KDM3A: variants seen among roughly 807,000 people sequenced by gnomAD.
KDM3A encodes lysine demethylase 3A, also known as lysine-specific demethylase 3A.
A neutral mutation model predicts 158.0 loss-of-function variants in KDM3A; 60 were observed. That is an observed-to-expected ratio of 0.38 (90% CI 0.31 to 0.47). The LOEUF (loss-of-function observed/expected upper bound fraction) is 0.47. Ranked by LOEUF, KDM3A falls within the 20% of genes least tolerant of loss-of-function variation. The pLI, the probability that KDM3A is intolerant of heterozygous loss-of-function variation, is 0.99. For synonymous variants in KDM3A, 608 were observed against 549.3 expected, an observed-to-expected ratio of 1.11 and a Z score of -1.49; for missense variants, 1,319 against 1,574.3, an observed-to-expected ratio of 0.84 and a Z score of 2.74.
rs558466692 is a variant in KDM3A, at chr2:86,489,841, G to A, written c.3573+182G>A. On this transcript the variant is annotated intron_variant, in intron 23 of 25. Coordinates refer to ENST00000312912, the MANE Select transcript of KDM3A (RefSeq NM_018433.6). ...GGAACAAGGATTCTAAATGATTAGG[G>A]TTACACTTCTAAAAAAAGCAGGCCT... 8.8e-5 allele frequency: 46 copies of A among 525,092 alleles called. No homozygotes were observed. In the South Asian group the frequency reaches 2.0e-3, roughly 23 times the overall value. The allele number at this position is 525,092 out of a possible 1,614,324, so 32.5% of individuals were successfully genotyped here.
chr2:86,487,974 A>G (rs566997628), intron 21 of KDM3A: 29 of 152,132 alleles, frequency 1.9e-4, no homozygotes, highest in Admixed American at 9.2e-4. Flanking sequence ...TCCTTTCCTT[A>G]CTTTTCTTGC....
chr2:86,481,412 C>T (rs2104698913), intron 16 of KDM3A, among the ~76,000 whole-genome samples: 1 of 152,118 alleles, frequency 6.6e-6, no homozygotes, highest in South Asian at 2.1e-4. Context: ...GCCACCACGC[C>T]CTGCTAACAT....
chr2:86,470,165 A>T (rs755574351), intron 10 of KDM3A, 39 bp from the exon 11 acceptor site: 2 of 1,571,004 alleles, frequency 1.3e-6, no homozygotes, highest in Admixed American at 1.7e-5. Flanking sequence ...GATTTTTAAA[A>T]ATTTGAGGTC....
At chr2:86,437,119 G>C (rs1227228217), upstream of KDM3A, among the ~76,000 whole-genome samples, 3 of 152,204 alleles carry the variant, frequency 2.0e-5, no homozygotes, top group East Asian at 5.8e-4. Flanking sequence ...TGTTGGTGTA[G>C]GAATCTTGGT....
At chr2:86,484,856 G>T in intron 19 of KDM3A, 86 bp from the exon 20 acceptor site, 2 of 716,236 alleles carry the variant, frequency 2.8e-6, no homozygotes, top group Non-Finnish European at 2.4e-6. Context: ...TATTTGTATT[G>T]TTGAGGCATA....
chr2:86,442,181 C>G lies in KDM3A; in HGVS notation c.134C>G (p.Ser45Cys), dbSNP rs755178415. 4.8e-5 allele frequency: 77 copies of G among 1,613,822 alleles called. No individual in the cohort carries two copies. The highest frequency in any genetic ancestry group is 6.4e-5 in the Non-Finnish European group (76 of 1,179,932). ...VERVAEWPWLSGTIRAVSHTD... is the reference protein window; with the variant it reads ...VERVAEWPWLCGTIRAVSHTD... ...CGCGTCGCCGAGTGGCCCTGGCTCT[C>G]CGGGACCATTCGAGCTGTTTCCCAC... Residue 45 changes from serine to cysteine, a missense_variant, in exon 2 of 26, where the codon TCC becomes TGC. By Grantham distance (112) the Ser-to-Cys change is moderately radical (BLOSUM62 -1). Coordinates refer to ENST00000312912, the MANE Select transcript of KDM3A (RefSeq NM_018433.6).
At chr2:86,445,644 G>T (rs1455563802) in intron 2 of KDM3A, among the ~76,000 whole-genome samples, 1 of 151,946 alleles carries the variant, frequency 6.6e-6, no homozygotes, top group East Asian at 1.9e-4. Flanking sequence ...TCCTGCTATT[G>T]TCAGCAATTT....
chr2:86,453,785 C>T (rs1455309313), intron 4 of KDM3A, among the ~76,000 whole-genome samples: 1 of 152,118 alleles, frequency 6.6e-6, no homozygotes, highest in East Asian at 1.9e-4. Flanking sequence ...TACATTTTTC[C>T]AGCACAGCTT....
intron 5 of KDM3A, 128 bp downstream of exon 5, chr2:86,455,315 A>G: frequency 1.7e-6 from 1 of 591,176 alleles, no homozygotes. Context: ...TTTTTGAGAC[A>G]GTCTAGTTCC....
chr2:86,446,838 G>A (rs908729041), intron 2 of KDM3A, among the ~76,000 whole-genome samples: 2 of 152,140 alleles, frequency 1.3e-5, no homozygotes, highest in African/African-American at 4.8e-5. Flanking sequence ...TGGAAATGGG[G>A]TCTCACTCTG....
upstream of KDM3A, among the ~76,000 whole-genome samples, chr2:86,438,179 GAATGAA>G (rs1228690542): frequency 1.3e-5 from 2 of 152,050 alleles, no homozygotes; most frequent in South Asian, 2.1e-4. Flanking sequence ...TTTTTATAAT[GAATGAA>G]AATGAAGTAT....
At chr2:86,471,474 A>G (rs1341436299) in intron 11 of KDM3A, among the ~76,000 whole-genome samples, 2 of 152,112 alleles carry the variant, frequency 1.3e-5, no homozygotes, top group East Asian at 1.9e-4. Flanking sequence ...TTGTTCATAT[A>G]GAAATGAACA....
intron 8 of KDM3A, among the ~76,000 whole-genome samples, chr2:86,461,750 C>G (rs1043309093): frequency 6.6e-6 from 1 of 152,034 alleles, no homozygotes; most frequent in Admixed American, 6.6e-5. Flanking sequence ...TGAGGGTGAA[C>G]AGAGAGAACC....
At chr2:86,474,463 G>A (rs1396843834) in intron 11 of KDM3A, among the ~76,000 whole-genome samples, 5 of 151,938 alleles carry the variant, frequency 3.3e-5, no homozygotes, top group African/African-American at 1.2e-4. Context: ...AGGAGTTCAA[G>A]ACCAGCCTGG....
At chr2:86,446,641 CAGA>C (rs368239306) in intron 2 of KDM3A, among the ~76,000 whole-genome samples, 227 of 152,226 alleles carry the variant, frequency 1.5e-3, no homozygotes, top group African/African-American at 5.2e-3. Flanking sequence ...ATCTGGGAGG[CAGA>C]GGATGCAGTG....
rs774626352 is a variant in KDM3A at position 86,482,482 on chromosome 2, C to G, written c.2710C>G (p.Pro904Ala). 6.2e-7 allele frequency: 1 copy of G among 1,613,954 alleles called. No homozygotes were observed. Residue 904 changes from proline (P) to alanine (A), a missense_variant, in exon 18 of 26, where the codon CCA (proline) becomes GCA (alanine). Coordinates refer to ENST00000312912, the MANE Select transcript of KDM3A (RefSeq NM_018433.6). ...GKTENGLKNT[P>A]KILDDIFASL... ...GACAGAAAATGGACTCAAGAATACA[C>G]CAAAAATCCTTGATGACATCTTTGC...
intron 2 of KDM3A, chr2:86,443,577 T>A (rs1377938297): frequency 6.6e-6 from 1 of 152,204 alleles, no homozygotes; most frequent in East Asian, 1.9e-4. Flanking sequence ...GAAACTACTG[T>A]GCCTGAGGGA....
In KDM3A at chr2:86,470,259, G is replaced by A; in HGVS notation, c.1575G>A (p.Gln525=). 6.2e-7 allele frequency: 1 copy of A among 1,614,190 alleles called. No homozygotes were observed. The highest frequency in any genetic ancestry group is 1.1e-5 in the South Asian group (1 of 91,090). Residue 525 remains glutamine (Q), a synonymous_variant, in exon 11 of 26, where the codon CAG becomes CAA. Transcript: ENST00000312912. ...CAGCTAAACTCAAAAAGCTGCAACA[G>A]AGTGGCGAGGCCTTCGTACAGGATG... The part of the protein sequence containing the change: ...TDPAKLKKLQ[Q]SGEAFVQDDS...
intron 4 of KDM3A, 26 bp downstream of exon 4, chr2:86,451,239 A>G (rs772042108): frequency 9.1e-6 from 13 of 1,423,244 alleles, no homozygotes; most frequent in Non-Finnish European, 1.1e-5. Flanking sequence ...AGTAGTAAAC[A>G]TTAGAAACAG....
Sources: allele counts gnomAD v4.1 joint callset (sites outside exome capture counted in the v4.1 genomes callset), GRCh38; gene constraint gnomAD v4.1.1; transcripts MANE v1.5; gene names NCBI Gene and HGNC (gene_info 2026-07-23, HGNC 2026-07-21).